Variants in ATP13A3 observed in about 807,000 individuals in gnomAD.
ATP13A3 encodes the protein ATPase 13A3.
A neutral mutation model predicts 158.1 loss-of-function variants in ATP13A3; 59 were observed. The observed-to-expected ratio is 0.37, with a 90% CI of 0.30 to 0.46. ATP13A3 has a LOEUF of 0.46. ATP13A3 is among the 20% of genes least tolerant of loss of function. The probability of loss-of-function intolerance (pLI) is 1.00; values close to 1 mark genes in which losing one functional copy is unlikely to be tolerated. For synonymous variants in ATP13A3, 491 were observed against 504.3 expected, an observed-to-expected ratio of 0.97 and a Z score of 0.35; for missense variants, 1,166 against 1,525.2, an observed-to-expected ratio of 0.76 and a Z score of 3.92.
chr3:194,406,226 A>G (rs1714919130), intron 33 of ATP13A3, 110 bp from the exon 34 acceptor site: 1 of 1,141,000 alleles, frequency 8.8e-7, no homozygotes, highest in Non-Finnish European at 1.2e-6. Flanking sequence ...AGAGGAAATG[A>G]CTTCTGAGCA....
At chr3:194,426,016 T>C (rs531840123) in intron 29 of ATP13A3, among the ~76,000 whole-genome samples, 1 of 152,338 alleles carries the variant, frequency 6.6e-6, no homozygotes, top group Admixed American at 6.5e-5. Context: ...CTGTCCCTCA[T>C]TTCTACTTTC....
upstream of ATP13A3, among the ~76,000 whole-genome samples, chr3:194,489,585 A>G (rs1310001980): frequency 5.9e-5 from 9 of 152,190 alleles, no homozygotes; most frequent in African/African-American, 2.2e-4. This position sits in a 1 kb window ranked among gnomAD's most constrained non-coding sequence, Gnocchi z 4.1. Context: ...GCTGCAGTGT[A>G]TACCTCCAAG....
At chr3:194,478,043 C>A (rs1041808474) in intron 2 of ATP13A3, among the ~76,000 whole-genome samples, 1 of 152,310 alleles carries the variant, frequency 6.6e-6, no homozygotes, top group Admixed American at 6.5e-5. Flanking sequence ...CCCCAAACTA[C>A]TGCTTGACTA....
intron 2 of ATP13A3, among the ~76,000 whole-genome samples, chr3:194,483,033 G>C (rs908341292): frequency 4.6e-5 from 7 of 151,788 alleles, no homozygotes; most frequent in Admixed American, 2.6e-4. Context: ...CTTGAACCCA[G>C]GAGGCGGAAG....
At chr3:194,408,792 A>G (rs1715139230) in intron 33 of ATP13A3, among the ~76,000 whole-genome samples, 1 of 152,246 alleles carries the variant, frequency 6.6e-6, no homozygotes, top group African/African-American at 2.4e-5. Flanking sequence ...GTTAGTTTAC[A>G]AACACAAACA....
chr3:194,482,805 T>A (rs534614067), intron 2 of ATP13A3, among the ~76,000 whole-genome samples: 3 of 152,070 alleles, frequency 2.0e-5, no homozygotes, highest in Non-Finnish European at 2.9e-5. Context: ...GAGATACTCA[T>A]CTCTACAAAA....
rs779940673 is a variant in ATP13A3, at chr3:194,413,814, C to T, written c.3428G>A (p.Arg1143His). 6 of 1,613,942 alleles carry T rather than the reference C, an allele frequency of 3.7e-6. No individual in the cohort carries two copies. Among genetic ancestry groups the T allele is most frequent in the East Asian group, 2.2e-5 (1 of 44,878 alleles). ...AAGAACAATGATGAGCATAGTTACA[C>T]GCCACTGATATGGTACACACACTAT... ...LQIVCVPYQW[R>H]VTMLIIVLVN... The change falls in exon 32 of 34, where the codon CGT becomes CAT. Residue 1143 changes from arginine (R) to histidine (H), a missense_variant. Physicochemically the swap from Arg to His is conservative, Grantham distance 29. Coordinates refer to ENST00000645319, the MANE Select transcript of ATP13A3 (RefSeq NM_001367549.1).
intron 33 of ATP13A3, among the ~76,000 whole-genome samples, chr3:194,409,634 G>A (rs528143295): frequency 6.7e-6 from 1 of 149,520 alleles, no homozygotes; most frequent in African/African-American, 2.5e-5. Context: ...AGTAGGTCAA[G>A]GGTAGAATTC....
At position 194,480,299 on chromosome 3, in the gene ATP13A3, T is replaced by C. The variant is rs1437368617; in HGVS notation, c.-47+5495A>G. On this transcript the variant is annotated intron_variant, in intron 2 of 33. Coordinates refer to ENST00000645319, the MANE Select transcript of ATP13A3 (RefSeq NM_001367549.1). ...AATCACTATGGCTCTGAAGCCCACA[T>C]TTTTATCCAATACACCATGCCCTCT... Among the ~76,000 whole-genome samples the C allele has an allele frequency of 4.6e-5, 7 of 152,298 alleles. No individual in the cohort carries two copies. The East Asian group carries it at 1.3e-3, about 29-fold the overall frequency.
rs1266277969 is a variant in ATP13A3 at position 194,474,972 on chromosome 3, C to T, written c.-47+10822G>A. On this transcript the variant is annotated intron_variant, in intron 2 of 33. Transcript: ENST00000645319. Reference sequence around the variant, plus strand: ...AATTAAAGTATTCAAAAAGATTACACTGTAGTTGCATAATACAACAAAAAG... The same window carrying T: ...AATTAAAGTATTCAAAAAGATTACATTGTAGTTGCATAATACAACAAAAAG... Among the ~76,000 whole-genome samples the T allele has an allele frequency of 1.2e-4, 19 of 152,122 alleles. No individual in the cohort carries two copies. In the East Asian group the frequency reaches 3.7e-3, roughly 29 times the overall value.
intron 31 of ATP13A3, among the ~76,000 whole-genome samples, chr3:194,414,970 T>A (rs561539153): frequency 3.9e-5 from 6 of 152,138 alleles, no homozygotes; most frequent in Admixed American, 2.0e-4. Flanking sequence ...GGTGAAGCCA[T>A]GACTCTAGGG....
chr3:194,480,514 T>TA (rs1486134078), intron 2 of ATP13A3, among the ~76,000 whole-genome samples: 1 of 152,128 alleles, frequency 6.6e-6, no homozygotes, highest in Non-Finnish European at 1.5e-5. Context: ...ATTTATTCTT[T>TA]AAAAAAACAA....
intron 20 of ATP13A3, among the ~76,000 whole-genome samples, chr3:194,435,466 C>G (rs1458282896): frequency 6.7e-6 from 1 of 149,894 alleles, no homozygotes; most frequent in Non-Finnish European, 1.5e-5. Context: ...TCTACAAGGT[C>G]AAATGGAAAC....
intron 21 of ATP13A3, among the ~76,000 whole-genome samples, chr3:194,432,939 G>C (rs1717334389): frequency 6.6e-6 from 1 of 151,716 alleles, no homozygotes; most frequent in Non-Finnish European, 1.5e-5. Flanking sequence ...AAAAAAAAAA[G>C]TAGGCTATTT....
chr3:194,449,545 G>A (rs1718657289), intron 11 of ATP13A3, among the ~76,000 whole-genome samples: 1 of 152,124 alleles, frequency 6.6e-6, no homozygotes, highest in Non-Finnish European at 1.5e-5. Context: ...ATGCATGGTG[G>A]CACACACCTG....
intron 29 of ATP13A3, among the ~76,000 whole-genome samples, chr3:194,426,694 C>T (rs1346563808): frequency 1.3e-5 from 2 of 152,132 alleles, no homozygotes; most frequent in South Asian, 2.1e-4. Context: ...TTTAAAGCAG[C>T]CTGCATGCAA....
At chr3:194,422,284 T>G (rs893693059) in intron 30 of ATP13A3, among the ~76,000 whole-genome samples, 6 of 152,230 alleles carry the variant, frequency 3.9e-5, no homozygotes, top group African/African-American at 1.4e-4. Flanking sequence ...ATGAATTTCT[T>G]GTAGACTATG....
intron 32 of ATP13A3, 61 bp downstream of exon 32, chr3:194,413,698 C>A: frequency 7.1e-7 from 1 of 1,417,626 alleles, no homozygotes; most frequent in Non-Finnish European, 1.0e-6. Flanking sequence ...TCCCATTTAC[C>A]ATTAAATCAC....
intron 2 of ATP13A3, among the ~76,000 whole-genome samples, chr3:194,465,805 A>AC (rs1553807063): frequency 3.4e-5 from 5 of 148,626 alleles, no homozygotes; most frequent in Non-Finnish European, 7.4e-5. Flanking sequence ...CTCTACTAAA[A>AC]ACACACACAC....
Sources: allele counts gnomAD v4.1 joint callset (sites outside exome capture counted in the v4.1 genomes callset), GRCh38; gene constraint gnomAD v4.1.1; non-coding constraint Gnocchi (gnomAD v3.1); transcripts MANE v1.5; gene names NCBI Gene and HGNC (gene_info 2026-07-23, HGNC 2026-07-21).